PDE1C: variants seen among roughly 807,000 people sequenced by gnomAD.
PDE1C encodes phosphodiesterase 1C, also known as dual specificity calcium/calmodulin-dependent 3',5'-cyclic nucleotide phosphodiesterase 1C.
In PDE1C, 62 loss-of-function variants were observed where a neutral mutation model predicts 93.1. The observed-to-expected ratio is 0.67, with a 90% CI of 0.54 to 0.82. PDE1C has a LOEUF of 0.82. Ranked by LOEUF, PDE1C falls within the 40% of genes least tolerant of loss-of-function variation. The pLI is 0.00. For missense variants in PDE1C, 742 were observed against 884.6 expected (o/e 0.84, Z 2.04); for synonymous variants, 325 against 310.1 (o/e 1.05, Z -0.50).
intron 3 of PDE1C, among the ~76,000 whole-genome samples, chr7:32,102,992 G>T (rs1185522841): frequency 6.6e-6 from 1 of 152,062 alleles, no homozygotes; most frequent in Non-Finnish European, 1.5e-5. Context: ...AGAGAGAGAG[G>T]GGCTCCTGCT....
chr7:32,059,889 C>T (rs1024982240), intron 1 of PDE1C, among the ~76,000 whole-genome samples: 7 of 152,176 alleles, frequency 4.6e-5, no homozygotes, highest in African/African-American at 1.4e-4. Flanking sequence ...CCTCTATTCA[C>T]GTATTTACAA....
At chr7:32,303,076 C>T (rs1345834770), upstream of PDE1C, among the ~76,000 whole-genome samples, 4 of 152,182 alleles carry the variant, frequency 2.6e-5, no homozygotes, top group Non-Finnish European at 5.9e-5. Flanking sequence ...CTAATGAATA[C>T]CATTTCTGGG....
chr7:32,270,753 A>G (rs1468569313), intron 1 of PDE1C, among the ~76,000 whole-genome samples: 1 of 152,102 alleles, frequency 6.6e-6, no homozygotes, highest in Admixed American at 6.6e-5. Context: ...AGCACGTGGG[A>G]TCCAGATGCA....
intron 2 of PDE1C, among the ~76,000 whole-genome samples, chr7:31,981,044 C>T (rs1241567904): frequency 6.6e-6 from 1 of 152,166 alleles, no homozygotes; most frequent in Non-Finnish European, 1.5e-5. Flanking sequence ...AGGATGTGGA[C>T]AACTGTGGAG....
At chr7:32,152,572 C>A (rs1444544402) in intron 3 of PDE1C, among the ~76,000 whole-genome samples, 1 of 152,198 alleles carries the variant, frequency 6.6e-6, no homozygotes, top group African/African-American at 2.4e-5. Context: ...CTCAGGGCCC[C>A]TCTTTTAATG....
rs1794133888 is a variant in PDE1C at position 31,751,421 on chromosome 7, C to T, written c.*1963G>A. 6.6e-6 allele frequency: 1 copy of T among 152,162 alleles called. No individual in the cohort carries two copies. Among genetic ancestry groups the T allele is most frequent in the African/African-American group, 2.4e-5 (1 of 41,424 alleles). The allele number at this position is 152,162 out of a possible 1,614,324, so 9.4% of individuals were successfully genotyped here. A position where few individuals can be genotyped will look rare whatever the true frequency, so the allele number is the denominator to read the frequency against. ...AAGCACAGCCAAGAAAACACAGCCT[C>T]ATTAAATTCTCAATACCTAAGATGG... On this transcript the variant is annotated 3_prime_UTR_variant, in exon 18 of 18. Coordinates refer to ENST00000396191, the MANE Select transcript of PDE1C (RefSeq NM_001191057.4).
chr7:32,306,261 G>T (rs994795252), intron 1 of PDE1C, among the ~76,000 whole-genome samples: 8 of 152,020 alleles, frequency 5.3e-5, no homozygotes, highest in Non-Finnish European at 8.8e-5. Context: ...GGCTAATACC[G>T]TAAATTGGGT....
intron 3 of PDE1C, among the ~76,000 whole-genome samples, chr7:32,121,368 G>A (rs888184218): frequency 2.6e-5 from 4 of 151,840 alleles, no homozygotes; most frequent in African/African-American, 9.7e-5. Flanking sequence ...GCAAATTCAG[G>A]AAATACAGAG....
intron 3 of PDE1C, among the ~76,000 whole-genome samples, chr7:32,159,523 G>T (rs1266204844): frequency 2.6e-5 from 4 of 152,150 alleles, no homozygotes; most frequent in South Asian, 4.1e-4. Context: ...GTTGTAAGGG[G>T]TGACATATGG....
At chr7:31,841,215 C>CTG (rs1791829484) in intron 9 of PDE1C, among the ~76,000 whole-genome samples, 5 of 102,508 alleles carry the variant, frequency 4.9e-5, no homozygotes, top group African/African-American at 8.7e-5. Context: ...CTCTGTCTCT[C>CTG]TCTCTCTCTC....
At chr7:32,026,047 C>T (rs1306475382) in intron 2 of PDE1C, among the ~76,000 whole-genome samples, 1 of 152,018 alleles carries the variant, frequency 6.6e-6, no homozygotes, top group Non-Finnish European at 1.5e-5. Context: ...TTCCACACCT[C>T]ACACACAAGC....
intron 3 of PDE1C, among the ~76,000 whole-genome samples, chr7:32,164,129 G>A (rs1292667784): frequency 6.6e-6 from 1 of 152,202 alleles, no homozygotes; most frequent in East Asian, 1.9e-4. Context: ...GCATCAGTTG[G>A]AGCTTGTTAG....
intron 1 of PDE1C, among the ~76,000 whole-genome samples, chr7:32,061,672 C>G (rs75016389): frequency 0.12 from 17,599 of 152,224 alleles, 1,051 homozygotes; most frequent in Middle Eastern, 0.15. Context: ...CCTCTTTCTG[C>G]CCTTGGAATA....
chr7:31,675,749 C>T, the PDE1C span, among the ~76,000 whole-genome samples: 1 of 151,382 alleles, frequency 6.6e-6, no homozygotes, highest in Non-Finnish European at 1.5e-5. Context: ...AAAATGTGTG[C>T]TAAATTTATA....
intron 1 of PDE1C, among the ~76,000 whole-genome samples, chr7:32,248,511 AACTTGGAAGAAAG>A (rs1386037538): frequency 2.0e-5 from 3 of 152,244 alleles, no homozygotes; most frequent in African/African-American, 7.2e-5. Context: ...GATTTCCCAG[AACTTGGAAGAAAG>A]ACTACCCACT....
chr7:32,424,726 C>T (rs772460059), intron 1 of PDE1C, among the ~76,000 whole-genome samples: 17 of 152,116 alleles, frequency 1.1e-4, no homozygotes, highest in South Asian at 2.1e-4. Flanking sequence ...ATAGGAGGAT[C>T]GCTTGAGCCT....
chr7:32,280,806 A>G (rs1403613256), intron 1 of PDE1C, among the ~76,000 whole-genome samples: 1 of 152,212 alleles, frequency 6.6e-6, no homozygotes, highest in Non-Finnish European at 1.5e-5. Context: ...TGAGCCACAC[A>G]GCAAGACTGT....
At chr7:32,007,067 GT>G (rs1347378596) in intron 2 of PDE1C, among the ~76,000 whole-genome samples, 10 of 152,102 alleles carry the variant, frequency 6.6e-5, no homozygotes, top group African/African-American at 1.9e-4. Context: ...TGACATTTAA[GT>G]ACATGCACCA....
chr7:32,338,726 G>A (rs932459193), intron 1 of PDE1C, among the ~76,000 whole-genome samples: 40 of 152,238 alleles, frequency 2.6e-4, no homozygotes, highest in African/African-American at 7.0e-4. Context: ...AGAGAAGGCC[G>A]GGCACGGTGG....
Sources: gnomAD v4.1 joint callset for allele counts (sites outside exome capture counted in the v4.1 genomes callset) on GRCh38, gnomAD v4.1.1 for gene constraint, MANE v1.5 for transcripts, NCBI Gene and HGNC (gene_info 2026-07-23, HGNC 2026-07-21) for gene names.